Variants in CPT2 observed in about 807,000 individuals in gnomAD.
CPT2 encodes carnitine O-palmitoyltransferase 2, mitochondrial.
In CPT2, 37 loss-of-function variants were observed where a neutral mutation model predicts 48.6. The observed-to-expected ratio is 0.76, with a 90% CI of 0.59 to 1.00. The LOEUF (loss-of-function observed/expected upper bound fraction) is 1.00. Among genes scored for constraint, CPT2 ranks in the 50% least tolerant of loss-of-function variants. The probability of loss-of-function intolerance (pLI) is 0.00; values close to 1 mark genes in which losing one functional copy is unlikely to be tolerated. For missense variants in CPT2, 772 were observed against 825.6 expected (o/e 0.94, Z 0.80); for synonymous variants, 319 against 326.9 (o/e 0.98, Z 0.26).
intron 3 of CPT2, chr1:53,207,424 T>C: frequency 6.6e-6 from 1 of 152,204 alleles, no homozygotes; most frequent in East Asian, 1.9e-4. Context: ...GGAAGAAGGT[T>C]TGAGATCTCA....
chr1:53,210,827 A>G lies in CPT2; in HGVS notation c.1153A>G (p.Asn385Asp). 2 of 1,613,940 alleles carry G rather than the reference A, an allele frequency of 1.2e-6. No individual in the cohort carries two copies. Among genetic ancestry groups the G allele is most frequent in the Non-Finnish European group, 1.7e-6 (2 of 1,179,978 alleles). The stretch of plus-strand genomic sequence containing the variant: ...TGGTGTGGCAGTGCTCAGATTTTTT[A>G]ATGAAGTATTTAAAGACAGCACTCA... ...GDGVAVLRFF[N>D]EVFKDSTQTP... is the part of the protein sequence containing the mutation. Residue 385 changes from asparagine (N) to aspartate (D), a missense_variant, in exon 4 of 5, where the codon AAT (asparagine) becomes GAT (aspartate). By Grantham distance (23) the Asn-to-Asp change is conservative. Transcript: ENST00000371486.
chr1:53,210,300 C>A lies in CPT2; in HGVS notation c.626C>A (p.Ala209Glu), dbSNP rs773788921. Residue 209 changes from alanine to glutamate, a missense_variant, in exon 4 of 5, where the codon GCG becomes GAG. Transcript: ENST00000371486. ...LSWYGAYLVNAYPLDMSQYFR... is the reference protein window; with the variant it reads ...LSWYGAYLVNEYPLDMSQYFR... ...TGGTATGGGGCCTACCTGGTCAATG[C>A]GTATCCCCTGGATATGTCCCAGTAT... 6.2e-7 allele frequency: 1 copy of A among 1,614,154 alleles called. No individual in the cohort carries two copies. The highest frequency in any genetic ancestry group is 2.2e-5 in the East Asian group (1 of 44,886).
intron 2 of CPT2, 47 bp downstream of exon 2, chr1:53,200,846 C>T: frequency 6.8e-7 from 1 of 1,471,484 alleles, no homozygotes; most frequent in Non-Finnish European, 9.5e-7. Flanking sequence ...TGGTTCAAGA[C>T]AGGCTGGCAA....
At position 53,213,930 on chromosome 1, in the gene CPT2, AC is replaced by A; in HGVS notation, c.*336del. 3.4e-6 allele frequency: 1 copy of A among 295,298 alleles called. No homozygotes were observed. The highest frequency in any genetic ancestry group is 6.5e-6 in the Non-Finnish European group (1 of 154,456). The allele number at this position is 295,298 out of a possible 1,614,324, so 18.3% of individuals were successfully genotyped here. On this transcript the variant is annotated 3_prime_UTR_variant, in exon 5 of 5. Coordinates refer to ENST00000371486, the MANE Select transcript of CPT2 (RefSeq NM_000098.3). The stretch of plus-strand genomic sequence containing the variant: ...GACAGAGCGAGACTGTCTCAAAAAA[AC>A]AAAAAAGAAAAAAAAACTGGGGCCT...
intron 3 of CPT2, chr1:53,209,042 C>T (rs143421390): frequency 2.2e-4 from 33 of 152,274 alleles, no homozygotes; most frequent in African/African-American, 7.2e-4. Context: ...CATACAAAAA[C>T]ATGTATAAGA....
chr1:53,198,628 T>C (rs1322380684), intron 1 of CPT2, among the ~76,000 whole-genome samples: 1 of 152,186 alleles, frequency 6.6e-6, no homozygotes, highest in African/African-American at 2.4e-5. Flanking sequence ...TCACTGACTT[T>C]CAGGCAGGCC....
intron 2 of CPT2, chr1:53,201,342 A>C (rs1327103172): frequency 5.9e-6 from 1 of 170,846 alleles, no homozygotes. Context: ...GAAGACACAG[A>C]GACAGCGGTG....
intron 3 of CPT2, among the ~76,000 whole-genome samples, chr1:53,205,097 T>C (rs895143312): frequency 6.6e-6 from 1 of 152,092 alleles, no homozygotes; most frequent in African/African-American, 2.4e-5. Flanking sequence ...TTGGAACAGT[T>C]TGGAGGGGTC....
intron 3 of CPT2, chr1:53,208,268 C>T (rs914679076): frequency 1.3e-5 from 2 of 152,250 alleles, no homozygotes; most frequent in African/African-American, 2.4e-5. Context: ...AGGCCTGGCA[C>T]AGCACTGATT....
chr1:53,212,013 C>T (rs1645432044), intron 4 of CPT2, among the ~76,000 whole-genome samples: 1 of 152,046 alleles, frequency 6.6e-6, no homozygotes, highest in African/African-American at 2.4e-5. Context: ...CTGCCTCAGC[C>T]TCCCAAATAG....
intron 3 of CPT2, among the ~76,000 whole-genome samples, chr1:53,205,959 G>C (rs1015015005): frequency 3.9e-5 from 6 of 152,106 alleles, no homozygotes; most frequent in Non-Finnish European, 8.8e-5. Context: ...AAGGCGGGTG[G>C]ATCACAAGGT....
chr1:53,209,436 C>G (rs1645407214), intron 3 of CPT2: 2 of 155,926 alleles, frequency 1.3e-5, no homozygotes, highest in Non-Finnish European at 2.8e-5. Context: ...AGTGGATAAA[C>G]AAAATATAGT....
Position 53,213,865 on chromosome 1 carries a change from G to A in CPT2, c.*270G>A, listed in dbSNP as rs1484721240. 5 of 424,066 alleles carry A rather than the reference G, an allele frequency of 1.2e-5. No homozygotes were observed. Among genetic ancestry groups the A allele is most frequent in the Non-Finnish European group, 2.2e-5 (5 of 226,116 alleles). 26.3% of individuals were successfully genotyped at this position (424,066 alleles called of 1,614,324 possible). ...TGCTTGAACCCAGGAGGTGGAGGTT[G>A]CAGTGAGCTGAGATCACACCACTGC... On this transcript the variant is annotated 3_prime_UTR_variant, in exon 5 of 5. Transcript: ENST00000371486.
intron 4 of CPT2, 122 bp downstream of exon 4, chr1:53,211,441 TC>T: frequency 9.5e-7 from 1 of 1,052,274 alleles, no homozygotes; most frequent in Non-Finnish European, 1.4e-6. Flanking sequence ...CATCGCCAAC[TC>T]CCCAAATTTT....
At position 53,206,182 on chromosome 1, in the gene CPT2, CAAAA is replaced by C. The variant is rs951448638; in HGVS notation, c.340+3771_340+3774del. ...TGGGTGACAGAGCAAGACTCCATTTCAAAAAAAAAAAAAAAAAAAAAGAGACAAC... is the reference window on the plus strand; with the variant it reads ...TGGGTGACAGAGCAAGACTCCATTTCAAAAAAAAAAAAAAAAAGAGACAAC... On this transcript the variant is annotated intron_variant, in intron 3 of 4. Coordinates refer to ENST00000371486, the MANE Select transcript of CPT2 (RefSeq NM_000098.3). Among the ~76,000 whole-genome samples, 6 of 58,926 alleles carry C rather than the reference CAAAA, an allele frequency of 1.0e-4. No homozygotes were observed. The East Asian group carries it at 2.1e-3, about 20-fold the overall frequency. The allele number at this position is 58,926 out of a possible 152,430, so 38.7% of individuals were successfully genotyped here. A position where few individuals can be genotyped will look rare whatever the true frequency, so the allele number is the denominator to read the frequency against.
At chr1:53,202,797 TACTTCCTGCTAA>T (rs1310772143) in intron 3 of CPT2, 1 of 291,340 alleles carries the variant, frequency 3.4e-6, no homozygotes, top group East Asian at 7.9e-5. Flanking sequence ...CACCCTGACA[TACTTCCTGCTAA>T]ACTCCTCATT....
At position 53,213,572 on chromosome 1, in the gene CPT2, G is replaced by A. The variant is rs766154734; in HGVS notation, c.1954G>A (p.Glu652Lys). ...CTTAGAAGACATGTTTGATGCCTTA[G>A]AAGGCAAATCCATCAAAAGTTAACT... ...KALEDMFDAL[E>K]GKSIKS is the part of the protein sequence containing the mutation. Residue 652 changes from glutamate (E) to lysine (K), a missense_variant, in exon 5 of 5, where the codon GAA becomes AAA. Coordinates refer to ENST00000371486, the MANE Select transcript of CPT2 (RefSeq NM_000098.3). The A allele has an allele frequency of 1.9e-6, 3 of 1,613,770 alleles. No homozygotes were observed. Among genetic ancestry groups the A allele is most frequent in the African/African-American group, 1.3e-5 (1 of 74,938 alleles).
At position 53,196,924 on chromosome 1, in the gene CPT2, C is replaced by T; in HGVS notation, c.-20C>T. 2 of 1,541,354 alleles carry T rather than the reference C, an allele frequency of 1.3e-6. No individual in the cohort carries two copies. The highest frequency in any genetic ancestry group is 1.2e-5 in the South Asian group (1 of 84,204). Reference sequence around the variant, plus strand: ...AACTCCCCACTTGCCGCGTTCTCGCCGCCGCAGGCTCCCGGGACGATGGTG... The same window carrying T: ...AACTCCCCACTTGCCGCGTTCTCGCTGCCGCAGGCTCCCGGGACGATGGTG... On this transcript the variant is annotated 5_prime_UTR_variant, in exon 1 of 5. Transcript: ENST00000371486.
intron 3 of CPT2, among the ~76,000 whole-genome samples, chr1:53,204,928 A>G (rs1219748180): frequency 6.6e-6 from 1 of 152,210 alleles, no homozygotes; most frequent in East Asian, 1.9e-4. Context: ...ACTGTCAGTC[A>G]ATTAGACCTC....
Sources: gnomAD v4.1 joint callset for allele counts (sites outside exome capture counted in the v4.1 genomes callset) on GRCh38, gnomAD v4.1.1 for gene constraint, MANE v1.5 for transcripts, NCBI Gene and HGNC (gene_info 2026-07-23, HGNC 2026-07-21) for gene names.